Variants in PCDHGB5 observed in about 807,000 individuals in gnomAD.
PCDHGB5 encodes the protein protocadherin gamma subfamily B, 5.
A neutral mutation model predicts 62.9 loss-of-function variants in PCDHGB5; 48 were observed. That is an observed-to-expected ratio of 0.76 (90% CI 0.61 to 0.97). The LOEUF (loss-of-function observed/expected upper bound fraction) is 0.97. Ranked by LOEUF, PCDHGB5 falls within the 50% of genes least tolerant of loss-of-function variation. The pLI is 0.00. For missense variants in PCDHGB5, 1,118 were observed against 1,198.6 expected (o/e 0.93, Z 0.99); for synonymous variants, 474 against 511.2 (o/e 0.93, Z 0.98).
chr5:141,412,976 A>C (rs2095594590), intron 1 of PCDHGB5: 1 of 535,900 alleles, frequency 1.9e-6, no homozygotes. Context: ...GAGAAAACGC[A>C]GCCAGAGCTC....
chr5:141,428,177 G>A lies in PCDHGB5; in HGVS notation c.2397+27653G>A, dbSNP rs754811645. The A allele has an allele frequency of 1.4e-5, 21 of 1,510,058 alleles. 1 individual carries two copies. The South Asian group carries it at 1.7e-4, about 12-fold the overall frequency. The allele number at this position is 1,510,058 out of a possible 1,614,324, so 93.5% of individuals were successfully genotyped here. ...CCTGCTGGTTGCTGTGCGTGACGGA[G>A]GACAGCCGCCGCTCTCTGCGCCGCT... On this transcript the variant is annotated intron_variant, in intron 1 of 3. Coordinates refer to ENST00000617380, the MANE Select transcript of PCDHGB5 (RefSeq NM_018925.3).
intron 1 of PCDHGB5, among the ~76,000 whole-genome samples, chr5:141,444,646 G>T (rs1023259048): frequency 1.3e-5 from 2 of 152,098 alleles, no homozygotes; most frequent in Non-Finnish European, 2.9e-5. Flanking sequence ...TGAGGTAGGG[G>T]TTGAAGTTAT....
At chr5:141,406,177 A>G (rs929841923) in intron 1 of PCDHGB5, among the ~76,000 whole-genome samples, 2 of 151,308 alleles carry the variant, frequency 1.3e-5, no homozygotes. Flanking sequence ...GGCTTATGCA[A>G]TCCTCCCACC....
At chr5:141,460,780 A>G (rs1387522399) in intron 1 of PCDHGB5, among the ~76,000 whole-genome samples, 3 of 152,042 alleles carry the variant, frequency 2.0e-5, no homozygotes, top group Non-Finnish European at 4.4e-5. Context: ...GTATGTATAC[A>G]TATATACACA....
At chr5:141,459,846 A>G (rs945742948) in intron 1 of PCDHGB5, among the ~76,000 whole-genome samples, 1 of 152,170 alleles carries the variant, frequency 6.6e-6, no homozygotes, top group Admixed American at 6.5e-5. Context: ...CTATTTGTAT[A>G]TCTTCTTGAA....
At position 141,404,149 on chromosome 5, in the gene PCDHGB5, A is replaced by G. The variant is rs758060942; in HGVS notation, c.2397+3625A>G. The G allele has an allele frequency of 3.1e-6, 5 of 1,612,750 alleles. No individual in the cohort carries two copies. In the African/African-American group the frequency reaches 5.3e-5, roughly 17 times the overall value. On this transcript the variant is annotated intron_variant, in intron 1 of 3. Transcript: ENST00000617380. Reference sequence around the variant, plus strand: ...CTTTTACATTAGAAAATTCAGAAGAAGATTATTACAGATTGTTGACGGCCC... The same window carrying G: ...CTTTTACATTAGAAAATTCAGAAGAGGATTATTACAGATTGTTGACGGCCC...
intron 1 of PCDHGB5, among the ~76,000 whole-genome samples, chr5:141,492,394 G>C (rs2099740158): frequency 6.6e-6 from 1 of 152,220 alleles, no homozygotes; most frequent in African/African-American, 2.4e-5. Context: ...CGGTCCACTC[G>C]CAGCTCCCCT....
intron 1 of PCDHGB5, among the ~76,000 whole-genome samples, chr5:141,456,105 G>T (rs2098843517): frequency 6.6e-6 from 1 of 151,978 alleles, no homozygotes; most frequent in Non-Finnish European, 1.5e-5. Context: ...CACCGTGTTA[G>T]CCAGGATGGT....
intron 1 of PCDHGB5, chr5:141,415,979 C>T (rs2095978015): frequency 2.8e-6 from 1 of 351,190 alleles, no homozygotes; most frequent in Middle Eastern, 8.3e-4. Flanking sequence ...TTAAGCAACC[C>T]TCTTGTTCTG....
chr5:141,477,611 C>T lies in PCDHGB5; in HGVS notation c.2398-17196C>T. On this transcript the variant is annotated intron_variant, in intron 1 of 3. Coordinates refer to ENST00000617380, the MANE Select transcript of PCDHGB5 (RefSeq NM_018925.3). This position sits in a 1 kb window ranked among gnomAD's most constrained non-coding sequence, Gnocchi z 4.9. ...TCGGCTTTCTTTCTTTCTCTTGGAG[C>T]AAGGAGCTGAAACCGGGCTAGTGGG... is the stretch of plus-strand genomic sequence containing the variant. The T allele has an allele frequency of 6.2e-7, 1 of 1,614,188 alleles. No homozygotes were observed. The highest frequency in any genetic ancestry group is 8.5e-7 in the Non-Finnish European group (1 of 1,180,036).
In PCDHGB5 at chr5:141,428,081, C is replaced by A. The variant is rs768842388; in HGVS notation, c.2397+27557C>A. 14 of 1,609,100 alleles carry A rather than the reference C, an allele frequency of 8.7e-6. No individual in the cohort carries two copies. In the African/African-American group the frequency reaches 1.1e-4, roughly 12 times the overall value. ...CGGTGGACGCAGATTCGGGACACAA[C>A]GCTTGGCTGTCCTACCACGTGCTGC... is the stretch of plus-strand genomic sequence containing the variant. On this transcript the variant is annotated intron_variant, in intron 1 of 3. Transcript: ENST00000617380.
chr5:141,503,362 G>A (rs565902559), intron 2 of PCDHGB5, among the ~76,000 whole-genome samples: 32 of 152,054 alleles, frequency 2.1e-4, no homozygotes, highest in African/African-American at 6.5e-4. Context: ...TTTGGGAAGC[G>A]GAGGCAGGTG....
intron 1 of PCDHGB5, among the ~76,000 whole-genome samples, chr5:141,449,674 TA>T (rs2154562752): frequency 6.6e-6 from 1 of 151,604 alleles, no homozygotes; most frequent in African/African-American, 2.4e-5. Context: ...AGTGTGTATG[TA>T]TATATGTTTG....
rs2093620975 is a variant in PCDHGB5 at position 141,398,177 on chromosome 5, T to C, written c.50T>C (p.Leu17Pro). ...GGCCGGGCTGAGAGGCTGCCAGTGC[T>C]CTTTCTCTTCCTGCTGTCTTTGTTC... ...ELGRAERLPV[L>P]FLFLLSLFCP... The change falls in exon 1 of 4, where the codon CTC becomes CCC. Residue 17 changes from leucine to proline, a missense_variant. Around this residue, in one of 2 missense-constraint regions of PCDHGB5, gnomAD observed 84 missense variants for 169.5 expected, o/e 0.50. Transcript: ENST00000617380. 11 of 1,473,994 alleles carry C rather than the reference T, an allele frequency of 7.5e-6. No individual in the cohort carries two copies. Among genetic ancestry groups the C allele is most frequent in the African/African-American group, 2.9e-5 (2 of 69,946 alleles). The allele number at this position is 1,473,994 out of a possible 1,614,324, so 91.3% of individuals were successfully genotyped here. A position where few individuals can be genotyped will look rare whatever the true frequency, so the allele number is the denominator to read the frequency against.
chr5:141,492,829 C>T (rs2099744241), intron 1 of PCDHGB5, among the ~76,000 whole-genome samples: 1 of 152,232 alleles, frequency 6.6e-6, no homozygotes, highest in Non-Finnish European at 1.5e-5. Context: ...CGGCCCCTTC[C>T]TCCCGCAGGA....
At chr5:141,449,156 G>T (rs4432943) in intron 1 of PCDHGB5, among the ~76,000 whole-genome samples, 84,481 of 151,978 alleles carry the variant, frequency 0.56, 26,202 homozygotes, top group African/African-American at 0.85. Context: ...GGTCAAAGAG[G>T]AAATAGGTGT....
In PCDHGB5 at chr5:141,490,453, T is replaced by C; in HGVS notation, c.2398-4354T>C. 6.2e-7 allele frequency: 1 copy of C among 1,614,178 alleles called. No homozygotes were observed. Among genetic ancestry groups the C allele is most frequent in the Non-Finnish European group, 8.5e-7 (1 of 1,180,042 alleles). ...GATTAAGCCTTCTGAGAACCACTAC[T>C]CGCTGCTAACCAGCCAGCCTTTGGA... On this transcript the variant is annotated intron_variant, in intron 1 of 3. Coordinates refer to ENST00000617380, the MANE Select transcript of PCDHGB5 (RefSeq NM_018925.3). This position sits in a 1 kb window ranked among gnomAD's most constrained non-coding sequence, Gnocchi z 5.4.
Position 141,413,864 on chromosome 5 carries a change from T to C in PCDHGB5, c.2397+13340T>C. 3 of 1,613,398 alleles carry C rather than the reference T, an allele frequency of 1.9e-6. No homozygotes were observed. The Admixed American group carries it at 5.0e-5, about 27-fold the overall frequency. ...GGTGACCCTCTCCGATCTGGCACTG[T>C]CCTTGTCAGTGTGACTGTCTTCGAT... On this transcript the variant is annotated intron_variant, in intron 1 of 3. Transcript: ENST00000617380.
rs1275109387 is a variant in PCDHGB5 at position 141,431,924 on chromosome 5, A to G, written c.2397+31400A>G. The G allele has an allele frequency of 1.1e-5, 17 of 1,614,050 alleles. No homozygotes were observed. Among genetic ancestry groups the G allele is most frequent in the Non-Finnish European group, 1.4e-5 (17 of 1,179,982 alleles). On this transcript the variant is annotated intron_variant, in intron 1 of 3. Coordinates refer to ENST00000617380, the MANE Select transcript of PCDHGB5 (RefSeq NM_018925.3). The surrounding 1 kb of genome is among the most constrained non-coding windows in gnomAD (Gnocchi z 4.8). ...ACAGGTGATCTGTTTCATCCAAGGA[A>G]ATCTGCCCTTTAAATTAGAAAAATC... is the stretch of plus-strand genomic sequence containing the variant.
Sources: allele counts gnomAD v4.1 joint callset (sites outside exome capture counted in the v4.1 genomes callset), GRCh38; gene constraint gnomAD v4.1.1; regional missense constraint gnomAD v4.1.1; non-coding constraint Gnocchi (gnomAD v3.1); transcripts MANE v1.5; gene names NCBI Gene and HGNC (gene_info 2026-07-23, HGNC 2026-07-21).